Variants in GPC5 observed in about 807,000 individuals in gnomAD.
GPC5 encodes glypican 5, also known as glypican-5.
In GPC5, 47 loss-of-function variants were observed where a neutral mutation model predicts 53.9. That is an observed-to-expected ratio of 0.87 (90% CI 0.69 to 1.11). The LOEUF (loss-of-function observed/expected upper bound fraction) is 1.11, where lower values mean the gene tolerates loss of function less well. GPC5 is among the 50% of genes most tolerant of loss of function. The probability of loss-of-function intolerance (pLI) is 0.00; values close to 1 mark genes in which losing one functional copy is unlikely to be tolerated. For missense variants in GPC5, 748 were observed against 713.1 expected, an observed-to-expected ratio of 1.05 and a Z score of -0.56; for synonymous variants, 286 against 263.3, an observed-to-expected ratio of 1.09 and a Z score of -0.84.
intron 6 of GPC5, among the ~76,000 whole-genome samples, chr13:91,973,299 C>A (rs1476925496): frequency 6.6e-6 from 1 of 152,182 alleles, no homozygotes; most frequent in African/African-American, 2.4e-5. Context: ...AGTTCTCGAG[C>A]CTTGGCTTTC....
At chr13:92,367,494 G>A (rs1269899800) in intron 7 of GPC5, among the ~76,000 whole-genome samples, 2 of 152,040 alleles carry the variant, frequency 1.3e-5, no homozygotes, top group Non-Finnish European at 2.9e-5. Context: ...CCAAACTTTT[G>A]CCATTTTTTA....
At chr13:91,643,110 A>G (rs1342692511) in intron 2 of GPC5, among the ~76,000 whole-genome samples, 1 of 152,168 alleles carries the variant, frequency 6.6e-6, no homozygotes, top group Non-Finnish European at 1.5e-5. Context: ...GAGGAGACTA[A>G]TGATTAGAAT....
At chr13:92,653,327 ACTTTAT>A (rs1221017045) in intron 7 of GPC5, among the ~76,000 whole-genome samples, 1 of 152,142 alleles carries the variant, frequency 6.6e-6, no homozygotes, top group Non-Finnish European at 1.5e-5. Context: ...TGCCCAATCT[ACTTTAT>A]CTTTAAGCCT....
intron 7 of GPC5, among the ~76,000 whole-genome samples, chr13:92,579,834 TTCTC>T (rs150864096): frequency 6.0e-5 from 9 of 151,000 alleles, no homozygotes; most frequent in South Asian, 2.1e-4. Flanking sequence ...CCTATAAGGT[TTCTC>T]TCTCTCTCTC....
intron 1 of GPC5, among the ~76,000 whole-genome samples, chr13:91,436,611 G>A (rs1879992367): frequency 6.6e-6 from 1 of 152,152 alleles, no homozygotes; most frequent in Non-Finnish European, 1.5e-5. Context: ...TTCCAACTAT[G>A]TGGTCAATTT....
chr13:92,545,025 C>G (rs909324758), intron 7 of GPC5, among the ~76,000 whole-genome samples: 9 of 151,918 alleles, frequency 5.9e-5, no homozygotes, highest in African/African-American at 1.7e-4. Flanking sequence ...CCCATTAACT[C>G]GTCATTTAGC....
At chr13:91,562,446 A>C (rs956633029) in intron 2 of GPC5, among the ~76,000 whole-genome samples, 1 of 151,784 alleles carries the variant, frequency 6.6e-6, no homozygotes, top group Non-Finnish European at 1.5e-5. Flanking sequence ...TCTATGATTA[A>C]ACCATTCTTT....
Position 92,091,763 on chromosome 13 carries a change from G to GA in GPC5, c.1402-53050dup, listed in dbSNP as rs758069084. Reference sequence around the variant, plus strand: ...ATCAAGAATTTCACCCCCCCACAGTGAAAAAAAAAAAAAAAAACAATGTGA... The same window carrying GA: ...ATCAAGAATTTCACCCCCCCACAGTGAAAAAAAAAAAAAAAAAACAATGTGA... On this transcript the variant is annotated intron_variant, in intron 6 of 7. Coordinates refer to ENST00000377067, the MANE Select transcript of GPC5 (RefSeq NM_004466.6). Among the ~76,000 whole-genome samples the GA allele has an allele frequency of 8.2e-3, 708 of 85,960 alleles. 7 individuals are homozygous for GA. Among genetic ancestry groups the GA allele is most frequent in the East Asian group, 0.064 (162 of 2,548 alleles). The allele number at this position is 85,960 out of a possible 152,430, so 56.4% of individuals were successfully genotyped here.
intron 7 of GPC5, among the ~76,000 whole-genome samples, chr13:92,429,868 A>C (rs555098520): frequency 6.6e-6 from 1 of 152,244 alleles, no homozygotes; most frequent in Non-Finnish European, 1.5e-5. Context: ...CAAGGAATAT[A>C]AACTTTGAGA....
At chr13:92,827,697 G>C (rs1239089259) in intron 7 of GPC5, among the ~76,000 whole-genome samples, 1 of 152,206 alleles carries the variant, frequency 6.6e-6, no homozygotes, top group East Asian at 1.9e-4. Context: ...AGTGCCTTCG[G>C]TTCCTTGATG....
At chr13:92,239,453 T>C (rs2042593755) in intron 7 of GPC5, among the ~76,000 whole-genome samples, 1 of 152,042 alleles carries the variant, frequency 6.6e-6, no homozygotes, top group South Asian at 2.1e-4. Context: ...TATTTATTGT[T>C]ATTAAACCAT....
Position 92,135,683 on chromosome 13 carries a change from T to C in GPC5, c.1402-9147T>C, listed in dbSNP as rs2041778633. Among the ~76,000 whole-genome samples the C allele has an allele frequency of 2.0e-5, 3 of 152,160 alleles. No individual in the cohort carries two copies. In the South Asian group the frequency reaches 6.2e-4, roughly 32 times the overall value. Reference sequence around the variant, plus strand: ...TCTGTGTACAAATTCACAAGACTTTTATAAATTGCCAGACTGCATTGCATA... The same window carrying C: ...TCTGTGTACAAATTCACAAGACTTTCATAAATTGCCAGACTGCATTGCATA... On this transcript the variant is annotated intron_variant, in intron 6 of 7. Transcript: ENST00000377067.
chr13:92,513,608 G>T (rs1056615323), intron 7 of GPC5, among the ~76,000 whole-genome samples: 1 of 149,824 alleles, frequency 6.7e-6, no homozygotes, highest in African/African-American at 2.5e-5. Context: ...TTCAGGCTAA[G>T]AGAATTTCAA....
chr13:91,596,482 G>T (rs1041183495), intron 2 of GPC5, among the ~76,000 whole-genome samples: 3 of 152,140 alleles, frequency 2.0e-5, no homozygotes, highest in African/African-American at 7.2e-5. Flanking sequence ...TGACGTATTG[G>T]TTTTTCTTTT....
intron 6 of GPC5, among the ~76,000 whole-genome samples, chr13:91,964,113 G>A (rs1308014320): frequency 1.3e-5 from 2 of 152,142 alleles, no homozygotes; most frequent in African/African-American, 4.8e-5. Flanking sequence ...ATGTTCAGAG[G>A]TCTCCAGAGT....
intron 7 of GPC5, among the ~76,000 whole-genome samples, chr13:92,534,075 C>T (rs564462918): frequency 3.3e-5 from 5 of 151,898 alleles, no homozygotes; most frequent in Non-Finnish European, 5.9e-5. Flanking sequence ...TCACTTGAGC[C>T]CATTAGATCA....
chr13:92,389,074 C>T (rs1874876190), intron 7 of GPC5, among the ~76,000 whole-genome samples: 1 of 152,066 alleles, frequency 6.6e-6, no homozygotes, highest in Admixed American at 6.6e-5. Context: ...TCATAATACA[C>T]ATAGTCGGCA....
intron 5 of GPC5, among the ~76,000 whole-genome samples, chr13:91,770,704 T>TG (rs2037607543): frequency 6.9e-6 from 1 of 145,660 alleles, no homozygotes; most frequent in African/African-American, 2.5e-5. Context: ...GACTGTGTGT[T>TG]TGTGTGTGTG....
chr13:92,109,771 A>T (rs1337497874), intron 6 of GPC5, among the ~76,000 whole-genome samples: 3 of 152,176 alleles, frequency 2.0e-5, no homozygotes, highest in African/African-American at 7.2e-5. Flanking sequence ...TTTGTTGATT[A>T]ATCAATAAAA....
Sources: allele counts gnomAD v4.1 joint callset (sites outside exome capture counted in the v4.1 genomes callset), GRCh38; gene constraint gnomAD v4.1.1; transcripts MANE v1.5; gene names NCBI Gene and HGNC (gene_info 2026-07-23, HGNC 2026-07-21).